Variants in ETV6 observed in about 807,000 individuals in gnomAD.
ETV6 encodes the protein ETS variant transcription factor 6.
In ETV6, 16 loss-of-function variants were observed where a neutral mutation model predicts 51.1. The observed-to-expected ratio is 0.31, with a 90% CI of 0.21 to 0.48. The LOEUF is 0.48. Among genes scored for constraint, ETV6 ranks in the 20% least tolerant of loss-of-function variants. The probability of loss-of-function intolerance (pLI) is 0.99; values close to 1 mark genes in which losing one functional copy is unlikely to be tolerated. For missense variants in ETV6, 458 were observed against 594.8 expected (o/e 0.77, Z 2.39); for synonymous variants, 240 against 224.1 (o/e 1.07, Z -0.64).
chr12:11,809,177 AG>A (rs1336234592), intron 2 of ETV6, among the ~76,000 whole-genome samples: 2 of 151,200 alleles, frequency 1.3e-5, no homozygotes, highest in Non-Finnish European at 3.0e-5. Context: ...AAAAAAAAAA[AG>A]ATAGGAAGTG....
At chr12:11,656,038 C>T (rs576176393) in intron 1 of ETV6, among the ~76,000 whole-genome samples, 2 of 152,316 alleles carry the variant, frequency 1.3e-5, no homozygotes, top group African/African-American at 4.8e-5. Flanking sequence ...CCTTCTTCCT[C>T]TTCCTCCTCC....
At chr12:11,851,597 A>C (rs537651301) in intron 3 of ETV6, among the ~76,000 whole-genome samples, 340 of 152,326 alleles carry the variant, frequency 2.2e-3, no homozygotes, top group Non-Finnish European at 4.0e-3. Context: ...AGCAGTTTCA[A>C]AAGTCTGGTC....
chr12:11,739,651 T>A (rs963541937), intron 1 of ETV6, among the ~76,000 whole-genome samples: 2 of 152,202 alleles, frequency 1.3e-5, no homozygotes, highest in African/African-American at 4.8e-5. Context: ...TTTCGAAGAC[T>A]TAGTATGAAA....
intron 5 of ETV6, among the ~76,000 whole-genome samples, chr12:11,879,925 C>T (rs1034073821): frequency 6.6e-6 from 1 of 151,000 alleles, no homozygotes; most frequent in Non-Finnish European, 1.5e-5. Flanking sequence ...CCAGGTGAGC[C>T]GTGGCAACAA....
At chr12:11,745,627 G>A (rs1279512877) in intron 1 of ETV6, among the ~76,000 whole-genome samples, 1 of 152,096 alleles carries the variant, frequency 6.6e-6, no homozygotes, top group East Asian at 1.9e-4. Context: ...TGATTTCTGG[G>A]GGCAGACTCA....
chr12:11,711,743 G>T (rs138612215), intron 1 of ETV6, among the ~76,000 whole-genome samples: 1 of 152,196 alleles, frequency 6.6e-6, no homozygotes, highest in African/African-American at 2.4e-5. Context: ...AAATGAATAA[G>T]GTATAGAGGA....
At chr12:11,754,924 G>C (rs1944985845) in intron 2 of ETV6, among the ~76,000 whole-genome samples, 1 of 152,206 alleles carries the variant, frequency 6.6e-6, no homozygotes, top group Non-Finnish European at 1.5e-5. Context: ...CTATCTCCAT[G>C]TCACACATAA....
chr12:11,685,310 A>G (rs946357595), intron 1 of ETV6, among the ~76,000 whole-genome samples: 12 of 150,388 alleles, frequency 8.0e-5, no homozygotes, highest in African/African-American at 2.9e-4. Context: ...TTCATTGTCC[A>G]TGAACATTTC....
At chr12:11,692,643 T>G (rs1379551729) in intron 1 of ETV6, among the ~76,000 whole-genome samples, 1 of 152,212 alleles carries the variant, frequency 6.6e-6, no homozygotes, top group East Asian at 1.9e-4. Flanking sequence ...TTGCATTATT[T>G]TATTTAGCAT....
At chr12:11,872,740 C>A (rs1591738753) in intron 5 of ETV6, among the ~76,000 whole-genome samples, 2 of 152,126 alleles carry the variant, frequency 1.3e-5, no homozygotes, top group Admixed American at 1.3e-4. Context: ...AAGTGATCTG[C>A]CTGCCTTGGC....
intron 2 of ETV6, among the ~76,000 whole-genome samples, chr12:11,793,532 G>A (rs1370104464): frequency 6.6e-6 from 1 of 152,224 alleles, no homozygotes; most frequent in Non-Finnish European, 1.5e-5. Context: ...GGGCCACTAG[G>A]AGAGATGAGG....
At chr12:11,771,439 C>G (rs1945240230) in intron 2 of ETV6, among the ~76,000 whole-genome samples, 1 of 152,174 alleles carries the variant, frequency 6.6e-6, no homozygotes, top group Admixed American at 6.5e-5. Flanking sequence ...TAAATCTCAG[C>G]AGAGATAAAC....
At chr12:11,851,923 G>T (rs542926546) in intron 3 of ETV6, among the ~76,000 whole-genome samples, 1 of 152,250 alleles carries the variant, frequency 6.6e-6, no homozygotes, top group Admixed American at 6.5e-5. Flanking sequence ...GAGCTTGAAA[G>T]AAAAAATAAT....
chr12:11,752,629 G>A lies in ETV6; in HGVS notation c.163+50G>A. 3.8e-6 allele frequency: 6 copies of A among 1,568,062 alleles called. No individual in the cohort carries two copies. In the East Asian group the frequency reaches 6.8e-5, roughly 18 times the overall value. On this transcript the variant is annotated intron_variant, in intron 2 of 7. Transcript: ENST00000396373. Reference sequence around the variant, plus strand: ...ACAGAGGATTGATGGCGTGGGGCGGGGGTGGCAGGCAGTGGGCTCCAGGCC... The same window carrying A: ...ACAGAGGATTGATGGCGTGGGGCGGAGGTGGCAGGCAGTGGGCTCCAGGCC...
chr12:11,887,213 G>C (rs551351831), intron 7 of ETV6, among the ~76,000 whole-genome samples: 1 of 152,078 alleles, frequency 6.6e-6, no homozygotes, highest in Admixed American at 6.5e-5. Context: ...CAACCTAAAC[G>C]CAGTCCTTGG....
At chr12:11,660,013 T>C (rs938723320) in intron 1 of ETV6, among the ~76,000 whole-genome samples, 4 of 152,124 alleles carry the variant, frequency 2.6e-5, no homozygotes, top group African/African-American at 9.7e-5. Flanking sequence ...AATAGGGAAA[T>C]TAGAGTTAAC....
chr12:11,657,608 C>T (rs541131354), intron 1 of ETV6, among the ~76,000 whole-genome samples: 1 of 152,298 alleles, frequency 6.6e-6, no homozygotes, highest in East Asian at 1.9e-4. Flanking sequence ...AAAGAGGTAG[C>T]CAATGCATCT....
At chr12:11,729,615 G>A (rs1865556461) in intron 1 of ETV6, among the ~76,000 whole-genome samples, 1 of 152,148 alleles carries the variant, frequency 6.6e-6, no homozygotes, top group South Asian at 2.1e-4. Flanking sequence ...TAACCTTGAA[G>A]CAATCTCAGT....
intron 1 of ETV6, chr12:11,751,329 T>C (rs1866022716): frequency 1.9e-6 from 1 of 518,680 alleles, no homozygotes; most frequent in African/African-American, 1.9e-5. Context: ...TGTACGATTT[T>C]CTTTTGCTCT....
Sources: gnomAD v4.1 joint callset for allele counts (sites outside exome capture counted in the v4.1 genomes callset) on GRCh38, gnomAD v4.1.1 for gene constraint, MANE v1.5 for transcripts, NCBI Gene and HGNC (gene_info 2026-07-23, HGNC 2026-07-21) for gene names.